SLC7A14: variants seen among roughly 807,000 people sequenced by gnomAD.
SLC7A14 encodes gamma-aminobutyric acid transporter SLC7A14.
SLC7A14 carries 37 observed loss-of-function variants against 60.2 expected under a neutral mutation model. That is an observed-to-expected ratio of 0.61 (90% CI 0.47 to 0.81). The LOEUF (loss-of-function observed/expected upper bound fraction) is 0.81. Among genes scored for constraint, SLC7A14 ranks in the 30% least tolerant of loss-of-function variants. SLC7A14 has a pLI of 0.00. For synonymous variants in SLC7A14, 399 were observed against 395.8 expected, an observed-to-expected ratio of 1.01 and a Z score of -0.10; for missense variants, 886 against 982.7, an observed-to-expected ratio of 0.90 and a Z score of 1.32.
chr3:170,577,362 T>C (rs1348207170), intron 1 of SLC7A14, among the ~76,000 whole-genome samples: 2 of 152,084 alleles, frequency 1.3e-5, no homozygotes, highest in African/African-American at 2.4e-5. Context: ...CTCACGCCTG[T>C]AATCCCAGCA....
intron 4 of SLC7A14, among the ~76,000 whole-genome samples, chr3:170,491,091 T>G (rs1054763523): frequency 1.3e-5 from 2 of 152,176 alleles, no homozygotes; most frequent in African/African-American, 2.4e-5. Context: ...GATGGGGATA[T>G]AGTCATGAGC....
intron 1 of SLC7A14, among the ~76,000 whole-genome samples, chr3:170,569,904 CTTCT>C (rs773202103): frequency 2.0e-5 from 3 of 152,172 alleles, no homozygotes; most frequent in South Asian, 4.2e-4. Context: ...TCTCTCCTTT[CTTCT>C]TTATTAGTCT....
intron 1 of SLC7A14, among the ~76,000 whole-genome samples, chr3:170,558,327 T>C (rs1714544526): frequency 6.6e-6 from 1 of 152,080 alleles, no homozygotes; most frequent in Non-Finnish European, 1.5e-5. Flanking sequence ...GAGATTGCAG[T>C]GAGCTGAGAT....
At chr3:170,584,187 A>G (rs1715311596) in intron 1 of SLC7A14, among the ~76,000 whole-genome samples, 1 of 152,182 alleles carries the variant, frequency 6.6e-6, no homozygotes, top group South Asian at 2.1e-4. Flanking sequence ...TCCTTTCCCC[A>G]TCTTGCCCAT....
intron 1 of SLC7A14, among the ~76,000 whole-genome samples, chr3:170,566,127 AAC>A (rs1421938612): frequency 4.6e-5 from 7 of 152,198 alleles, no homozygotes; most frequent in Admixed American, 4.6e-4. Flanking sequence ...AGGTGAGGCT[AAC>A]ACAGTGAGGG....
In SLC7A14 at chr3:170,498,681, G is replaced by A. The variant is rs774758994; in HGVS notation, c.745C>T (p.His249Tyr). Reference protein sequence around the residue: ...KYWAEGQFLPHGWSGVLQGAA... With the variant: ...KYWAEGQFLPYGWSGVLQGAA... The stretch of plus-strand genomic sequence containing the variant: ...AACAAACTTACCCCTGACCAGCCGT[G>A]GGGCAAGAACTGGCCCTCCGCCCAG... Residue 249 changes from histidine to tyrosine, a missense_variant, in exon 4 of 8, where the codon CAC becomes TAC. His to Tyr is a moderately conservative substitution (Grantham distance 83, BLOSUM62 2). Transcript: ENST00000231706. 2.5e-6 allele frequency: 4 copies of A among 1,614,050 alleles called. No homozygotes were observed. Among genetic ancestry groups the A allele is most frequent in the South Asian group, 2.2e-5 (2 of 91,088 alleles).
intron 1 of SLC7A14, among the ~76,000 whole-genome samples, chr3:170,566,468 A>G (rs1047719292): frequency 2.6e-5 from 4 of 152,226 alleles, no homozygotes; most frequent in African/African-American, 9.6e-5. Context: ...CCCTGATTCT[A>G]TAGCAATGAA....
In SLC7A14 at chr3:170,480,290, C is replaced by T; in HGVS notation, c.1992G>A (p.Val664=). ...TWIRFAVWCF[V]GLLIYFGYGI... is the part of the protein sequence containing the mutation. ...AAGGCTCCAAAGGAAGTTGCTTACC[C>T]ACAAAGCACCAGACCGCAAACCGGA... Residue 664 remains valine (V), a splice_region_variant and synonymous_variant, in exon 7 of 8, where the codon GTG becomes GTA. Transcript: ENST00000231706. 1 of 1,522,426 alleles carries T rather than the reference C, an allele frequency of 6.6e-7. No individual in the cohort carries two copies. Among genetic ancestry groups the T allele is most frequent in the Non-Finnish European group, 8.8e-7 (1 of 1,136,410 alleles). The allele number at this position is 1,522,426 out of a possible 1,614,324, so 94.3% of individuals were successfully genotyped here.
In SLC7A14 at chr3:170,483,481, A is replaced by G; in HGVS notation, c.948T>C (p.Ile316=). ...TCTCCATGAGTGGGGATTCCGTGTC[A>G]ATGGTATAATATGGCACCATCAGAG... ...ILTLMVPYYT[I]DTESPLMEMF... Residue 316 remains isoleucine, a synonymous_variant, in exon 6 of 8, where the codon ATT becomes ATC. Coordinates refer to ENST00000231706, the MANE Select transcript of SLC7A14 (RefSeq NM_020949.3). 1 of 1,614,238 alleles carries G rather than the reference A, an allele frequency of 6.2e-7. No homozygotes were observed. Among genetic ancestry groups the G allele is most frequent in the Non-Finnish European group, 8.5e-7 (1 of 1,180,050 alleles).
intron 2 of SLC7A14, among the ~76,000 whole-genome samples, chr3:170,506,208 C>T (rs1712776576): frequency 6.6e-6 from 1 of 152,150 alleles, no homozygotes; most frequent in African/African-American, 2.4e-5. Flanking sequence ...ATTCTAAGTC[C>T]TTGAGAAATA....
chr3:170,517,324 T>A (rs919377228), intron 2 of SLC7A14, among the ~76,000 whole-genome samples: 4 of 152,350 alleles, frequency 2.6e-5, no homozygotes, highest in Non-Finnish European at 5.9e-5. Context: ...AGGACTGGCA[T>A]GCATTTGTTC....
intron 1 of SLC7A14, among the ~76,000 whole-genome samples, chr3:170,531,823 C>G (rs1274563746): frequency 6.6e-6 from 1 of 152,156 alleles, no homozygotes; most frequent in East Asian, 1.9e-4. Context: ...GGAAGGCTTA[C>G]AGGGCCTCTG....
At chr3:170,497,433 G>C (rs1712441643) in intron 4 of SLC7A14, among the ~76,000 whole-genome samples, 1 of 133,574 alleles carries the variant, frequency 7.5e-6, no homozygotes, top group Non-Finnish European at 1.5e-5. Context: ...GGCATGGCGT[G>C]GTTCGGAATA....
intron 2 of SLC7A14, among the ~76,000 whole-genome samples, chr3:170,522,956 G>A (rs780451790): frequency 1.3e-5 from 2 of 151,974 alleles, no homozygotes; most frequent in Admixed American, 6.6e-5. Flanking sequence ...TTTAAACTTC[G>A]GTTTACACAT....
At chr3:170,553,023 C>G (rs902888053) in intron 1 of SLC7A14, among the ~76,000 whole-genome samples, 2 of 152,190 alleles carry the variant, frequency 1.3e-5, no homozygotes, top group Admixed American at 1.3e-4. Context: ...TGCATCAGCT[C>G]CTGCAAAAGC....
chr3:170,569,147 T>C (rs1199817673), intron 1 of SLC7A14, among the ~76,000 whole-genome samples: 1 of 152,168 alleles, frequency 6.6e-6, no homozygotes, highest in Admixed American at 6.5e-5. Context: ...GGCTGTAGGT[T>C]TGTCATAGAT....
At position 170,518,882 on chromosome 3, in the gene SLC7A14, G is replaced by C. The variant is rs116260797; in HGVS notation, c.304+7751C>G. ...CAAGAAGAAGAGAGGGTTGGTGGAT[G>C]TTCCCTAAAGGCAGAGAGAATTGGA... On this transcript the variant is annotated intron_variant, in intron 2 of 7. Coordinates refer to ENST00000231706, the MANE Select transcript of SLC7A14 (RefSeq NM_020949.3). Among the ~76,000 whole-genome samples, 800 of 152,280 alleles carry C rather than the reference G, an allele frequency of 5.3e-3. 6 individuals carry two copies. The highest frequency in any genetic ancestry group is 0.018 in the African/African-American group (753 of 41,556).
At chr3:170,510,075 C>CAAAAAAAA (rs34579714) in intron 2 of SLC7A14, among the ~76,000 whole-genome samples, 2 of 78,576 alleles carry the variant, frequency 2.5e-5, no homozygotes, top group African/African-American at 9.2e-5. Flanking sequence ...AACTCTGTCT[C>CAAAAAAAA]AAAAAAAAAA....
chr3:170,548,716 A>G (rs953215303), intron 1 of SLC7A14, among the ~76,000 whole-genome samples: 1 of 152,192 alleles, frequency 6.6e-6, no homozygotes, highest in Non-Finnish European at 1.5e-5. Context: ...AAACCGTTAG[A>G]CCATATTTTT....
Sources: allele counts gnomAD v4.1 joint callset (sites outside exome capture counted in the v4.1 genomes callset), GRCh38; gene constraint gnomAD v4.1.1; transcripts MANE v1.5; gene names NCBI Gene and HGNC (gene_info 2026-07-23, HGNC 2026-07-21).